The following SLC41A1 variants were observed in gnomAD, a reference collection of about 807,000 sequenced individuals.
SLC41A1 encodes solute carrier family 41 (magnesium transporter), member 1.
In SLC41A1, 20 loss-of-function variants were observed where a neutral mutation model predicts 47.3. That is an observed-to-expected ratio of 0.42 (90% CI 0.30 to 0.61). SLC41A1 has a LOEUF of 0.61. Among genes scored for constraint, SLC41A1 ranks in the 20% least tolerant of loss-of-function variants. The pLI is 0.17. For synonymous variants in SLC41A1, 282 were observed against 272.7 expected (o/e 1.03, Z -0.34); for missense variants, 504 against 674.1 (o/e 0.75, Z 2.79).
At chr1:205,799,688 G>C in intron 4 of SLC41A1, 71 bp downstream of exon 4, 1 of 1,524,264 alleles carries the variant, frequency 6.6e-7, no homozygotes. Flanking sequence ...TGCTGGGGCT[G>C]ACCTAAGCCT....
Position 205,796,985 on chromosome 1 carries a change from C to T in SLC41A1, c.1011G>A (p.Leu337=). 2 of 1,613,268 alleles carry T rather than the reference C, an allele frequency of 1.2e-6. No individual in the cohort carries two copies. Among genetic ancestry groups the T allele is most frequent in the South Asian group, 2.2e-5 (2 of 90,778 alleles). Residue 337 remains leucine, a synonymous_variant, in exon 8 of 11, where the codon TTG becomes TTA. Coordinates refer to ENST00000367137, the MANE Select transcript of SLC41A1 (RefSeq NM_173854.6). ...AGTTGGGGTCTGAGACAGTCTTGTC[C>T]AAGATGAGGCCTCCCACACTATAGA... ...MAISSVGGLI[L]DKTVSDPNFA...
rs1187102811 is a variant in SLC41A1, at chr1:205,790,188, T to G, written c.*1345A>C. ...GAGAAAGAGGCAGAAGAATCTGGCT[T>G]GAAGTAGATGCAAATACTTACAACG... is the stretch of plus-strand genomic sequence containing the variant. On this transcript the variant is annotated 3_prime_UTR_variant, in exon 11 of 11. Coordinates refer to ENST00000367137, the MANE Select transcript of SLC41A1 (RefSeq NM_173854.6). 2.6e-5 allele frequency: 4 copies of G among 152,196 alleles called. No individual in the cohort carries two copies. Among genetic ancestry groups the G allele is most frequent in the African/African-American group, 7.2e-5 (3 of 41,428 alleles). 9.4% of individuals were successfully genotyped at this position (152,196 alleles called of 1,614,324 possible).
At chr1:205,798,313 T>C (rs533765913) in intron 6 of SLC41A1, among the ~76,000 whole-genome samples, 3 of 152,280 alleles carry the variant, frequency 2.0e-5, no homozygotes, top group African/African-American at 7.2e-5. Context: ...ACAGAGACTC[T>C]AGGTCTCTTG....
At chr1:205,792,215 C>T (rs562127279) in intron 10 of SLC41A1, among the ~76,000 whole-genome samples, 19 of 152,174 alleles carry the variant, frequency 1.2e-4, no homozygotes, top group Non-Finnish European at 2.6e-4. Context: ...CTGCTGCTGG[C>T]GGTTGTCTTA....
intron 2 of SLC41A1, among the ~76,000 whole-genome samples, chr1:205,804,733 C>A (rs953004011): frequency 6.6e-6 from 1 of 152,178 alleles, no homozygotes; most frequent in African/African-American, 2.4e-5. Flanking sequence ...CAAAGCTCCT[C>A]TCAGAGCACA....
intron 2 of SLC41A1, among the ~76,000 whole-genome samples, chr1:205,802,251 C>T (rs996300630): frequency 1.3e-5 from 2 of 152,158 alleles, no homozygotes; most frequent in Admixed American, 6.5e-5. Context: ...GGGTCTCCTA[C>T]AGGAGACAGC....
intron 2 of SLC41A1, among the ~76,000 whole-genome samples, chr1:205,804,155 G>A (rs1182134372): frequency 2.0e-5 from 3 of 152,156 alleles, no homozygotes; most frequent in Non-Finnish European, 4.4e-5. Context: ...TAACCAAAAA[G>A]ATAAGCAAGG....
intron 2 of SLC41A1, among the ~76,000 whole-genome samples, chr1:205,802,447 C>T (rs1451314121): frequency 1.4e-4 from 21 of 152,244 alleles, no homozygotes; most frequent in Admixed American, 9.8e-4. Flanking sequence ...CCGAGCGCAG[C>T]GGCTCACACC....
Position 205,798,043 on chromosome 1 carries a change from G to T in SLC41A1, c.853C>A (p.Arg285=). ...WGLYLELNHW[R]YIYPLVCAFF... ...GCACACACCAGTGGGTAGATGTATC[G>T]CCAGTGATCTGAGAGGGCAGAGGTC... The change falls in exon 7 of 11, where the codon CGA becomes AGA. Residue 285 remains arginine, a synonymous_variant. Coordinates refer to ENST00000367137, the MANE Select transcript of SLC41A1 (RefSeq NM_173854.6). 1 of 1,614,130 alleles carries T rather than the reference G, an allele frequency of 6.2e-7. No homozygotes were observed. Among genetic ancestry groups the T allele is most frequent in the South Asian group, 1.1e-5 (1 of 91,080 alleles).
chr1:205,812,362 A>G (rs1213134991), intron 1 of SLC41A1, among the ~76,000 whole-genome samples: 1 of 152,130 alleles, frequency 6.6e-6, no homozygotes, highest in Admixed American at 6.5e-5. Flanking sequence ...CTCCTTAAAC[A>G]CAGTACTGTG....
chr1:205,791,840 A>T lies in SLC41A1; in HGVS notation c.1357-122T>A. Reference sequence around the variant, plus strand: ...GGCTGGCCATAATCCTTACTTTTTAATCTTCCTCTTTCCACCCCAGCAACC... The same window carrying T: ...GGCTGGCCATAATCCTTACTTTTTATTCTTCCTCTTTCCACCCCAGCAACC... On this transcript the variant is annotated intron_variant, in intron 10 of 10. Coordinates refer to ENST00000367137, the MANE Select transcript of SLC41A1 (RefSeq NM_173854.6). The surrounding 1 kb of genome is among the most constrained non-coding windows in gnomAD (Gnocchi z 4.0). The T allele has an allele frequency of 3.1e-6, 4 of 1,278,518 alleles. No individual in the cohort carries two copies. Among genetic ancestry groups the T allele is most frequent in the Non-Finnish European group, 4.4e-6 (4 of 903,212 alleles). 79.2% of individuals were successfully genotyped at this position (1,278,518 alleles called of 1,614,324 possible). A position where few individuals can be genotyped will look rare whatever the true frequency, so the allele number is the denominator to read the frequency against.
intron 7 of SLC41A1, among the ~76,000 whole-genome samples, 174 bp from the exon 8 acceptor site, chr1:205,797,177 T>C (rs1655769523): frequency 6.6e-6 from 1 of 152,218 alleles, no homozygotes; most frequent in South Asian, 2.1e-4. Context: ...GTGCTGCTCA[T>C]AACATTCTGA....
chr1:205,811,141 C>A (rs1457817884), intron 1 of SLC41A1, 54 bp from the exon 2 acceptor site: 1 of 153,074 alleles, frequency 6.5e-6, no homozygotes, highest in East Asian at 1.9e-4. Context: ...TAGCAAAGGA[C>A]AGCTTGTACT....
rs563324594 is a variant in SLC41A1 at position 205,793,094 on chromosome 1, T to C, written c.1357-1376A>G. 1.2e-4 allele frequency among the ~76,000 whole-genome samples: 18 copies of C among 152,260 alleles called. No individual in the cohort carries two copies. In the East Asian group the frequency reaches 3.5e-3, roughly 29 times the overall value. On this transcript the variant is annotated intron_variant, in intron 10 of 10. Coordinates refer to ENST00000367137, the MANE Select transcript of SLC41A1 (RefSeq NM_173854.6). Reference sequence around the variant, plus strand: ...CCCTACCTTCCATAACTTCACACCCTTTCCAGCAGCTGCAGAAGGGTCCCA... The same window carrying C: ...CCCTACCTTCCATAACTTCACACCCCTTCCAGCAGCTGCAGAAGGGTCCCA...
At chr1:205,801,100 A>G in intron 2 of SLC41A1, 40 bp from the exon 3 acceptor site, 1 of 1,546,118 alleles carries the variant, frequency 6.5e-7, no homozygotes, top group Admixed American at 1.7e-5. Context: ...TCAGTGCCCC[A>G]AAGGGCGGGC....
chr1:205,791,484 A>G lies in SLC41A1; in HGVS notation c.*49T>C. On this transcript the variant is annotated 3_prime_UTR_variant, in exon 11 of 11. Coordinates refer to ENST00000367137, the MANE Select transcript of SLC41A1 (RefSeq NM_173854.6). This position sits in a 1 kb window ranked among gnomAD's most constrained non-coding sequence, Gnocchi z 4.0. ...GGAGGGACAGGGGAACAAAAGAAAA[A>G]TTTCAAATAGAAAGTGCAGAGGGAT... 2 of 1,612,912 alleles carry G rather than the reference A, an allele frequency of 1.2e-6. No individual in the cohort carries two copies. The highest frequency in any genetic ancestry group is 1.7e-6 in the Non-Finnish European group (2 of 1,179,222).
intron 2 of SLC41A1, among the ~76,000 whole-genome samples, chr1:205,805,759 C>T (rs371555831): frequency 1.3e-5 from 2 of 152,158 alleles, no homozygotes; most frequent in African/African-American, 4.8e-5. Flanking sequence ...ACAGCAATCA[C>T]CTTAAGTCTC....
chr1:205,801,111 A>G, intron 2 of SLC41A1, 51 bp from the exon 3 acceptor site: 1 of 1,479,490 alleles, frequency 6.8e-7, no homozygotes, highest in Non-Finnish European at 9.5e-7. Flanking sequence ...AAGGGCGGGC[A>G]TTGAGGTTCA....
At position 205,791,451 on chromosome 1, in the gene SLC41A1, G is replaced by A. The variant is rs1655624716; in HGVS notation, c.*82C>T. The A allele has an allele frequency of 6.7e-7, 1 of 1,495,768 alleles. No individual in the cohort carries two copies. Among genetic ancestry groups the A allele is most frequent in the Non-Finnish European group, 9.3e-7 (1 of 1,078,306 alleles). 92.7% of individuals were successfully genotyped at this position (1,495,768 alleles called of 1,614,324 possible). A position where few individuals can be genotyped will look rare whatever the true frequency, so the allele number is the denominator to read the frequency against. On this transcript the variant is annotated 3_prime_UTR_variant, in exon 11 of 11. Coordinates refer to ENST00000367137, the MANE Select transcript of SLC41A1 (RefSeq NM_173854.6). This position sits in a 1 kb window ranked among gnomAD's most constrained non-coding sequence, Gnocchi z 4.0. ...AAGTCCTAGAAAGAGGTGGGAGTGT[G>A]GGGTGGAGGAGGGACAGGGGAACAA...
Sources: allele counts gnomAD v4.1 joint callset (sites outside exome capture counted in the v4.1 genomes callset), GRCh38; gene constraint gnomAD v4.1.1; non-coding constraint Gnocchi (gnomAD v3.1); transcripts MANE v1.5; gene names NCBI Gene and HGNC (gene_info 2026-07-23, HGNC 2026-07-21).